The following PCDH19 variants were observed in gnomAD, a reference collection of about 807,000 sequenced individuals.
The protein encoded by PCDH19 is protocadherin-19.
Under a neutral mutation model 46.2 loss-of-function variants are expected in PCDH19, and 6 were observed. The ratio of observed to expected loss-of-function variants is 0.13; its 90% CI spans 0.07 to 0.26. The LOEUF (loss-of-function observed/expected upper bound fraction) is 0.26, where lower values mean the gene tolerates loss of function less well. PCDH19 is among the 10% of genes least tolerant of loss of function. The probability of loss-of-function intolerance (pLI) is 1.00; values close to 1 mark genes in which losing one functional copy is unlikely to be tolerated. For synonymous variants in PCDH19, 481 were observed against 415.7 expected (o/e 1.16, Z -1.91); for missense variants, 740 against 972.3 (o/e 0.76, Z 3.18).
intron 5 of PCDH19, among the ~76,000 whole-genome samples, chrX:100,302,919 A>G (rs1289243927): frequency 1.8e-5 from 2 of 111,844 alleles, no homozygotes; most frequent in African/African-American, 6.5e-5. Context: ...TCAACGCCCC[A>G]GATACTGTCC....
chrX:100,349,646 G>C (rs1352232047), intron 4 of PCDH19, among the ~76,000 whole-genome samples: 2 of 112,261 alleles, frequency 1.8e-5, no homozygotes, highest in Non-Finnish European at 3.8e-5. Flanking sequence ...CTCTGCTACA[G>C]CTCTAACATA....
chrX:100,403,566 T>G lies in PCDH19; in HGVS notation c.2246A>C (p.Gln749Pro). The G allele has an allele frequency of 8.3e-7, 1 of 1,210,401 alleles. No individual in the cohort carries two copies. Among genetic ancestry groups the G allele is most frequent in the Non-Finnish European group, 1.1e-6 (1 of 894,944 alleles). ...CACTTTCTCCTCTGTCTTTTTGTCT[T>G]GCTCCTCGCTAATGGGAGAAACCGA... is the stretch of plus-strand genomic sequence containing the variant. ...CISVSPISEE[Q>P]DKKTEEKVSL... The change falls in exon 2 of 6, where the codon CAA becomes CCA. Residue 749 changes from glutamine to proline, a missense_variant. Coordinates refer to ENST00000373034, the MANE Select transcript of PCDH19 (RefSeq NM_001184880.2).
chrX:100,372,596 A>G (rs1274599909), intron 3 of PCDH19, among the ~76,000 whole-genome samples: 1 of 112,922 alleles, frequency 8.9e-6, no homozygotes, highest in Non-Finnish European at 1.9e-5. Context: ...GTCAGCCAGA[A>G]TGCTGGCACT....
rs770836310 is a variant in PCDH19 at position 100,319,078 on chromosome X, T to G, written c.2849-22203A>C. 3.6e-5 allele frequency among the ~76,000 whole-genome samples: 4 copies of G among 111,065 alleles called. No homozygotes were observed. In the South Asian group the frequency reaches 1.5e-3, roughly 42 times the overall value. ...TTGACAAGATGCCTAATATGCTAAG[T>G]ATATGGAATTAAATTGAATGAGGCG... On this transcript the variant is annotated intron_variant, in intron 5 of 5. Coordinates refer to ENST00000373034, the MANE Select transcript of PCDH19 (RefSeq NM_001184880.2).
chrX:100,339,289 G>C (rs996472702), intron 5 of PCDH19, among the ~76,000 whole-genome samples: 2 of 111,777 alleles, frequency 1.8e-5, no homozygotes, highest in African/African-American at 3.3e-5. Flanking sequence ...AGGGGATTGG[G>C]GACTAGTTTT....
intron 3 of PCDH19, among the ~76,000 whole-genome samples, chrX:100,363,615 TTATATATA>T (rs60968315): frequency 8.9e-5 from 8 of 89,574 alleles, no homozygotes; most frequent in African/African-American, 2.9e-4. Flanking sequence ...ATGGGAAGTT[TTATATATA>T]TATATATATA....
intron 3 of PCDH19, among the ~76,000 whole-genome samples, chrX:100,397,003 T>G (rs188681356): frequency 5.4e-5 from 6 of 112,137 alleles, no homozygotes; most frequent in African/African-American, 1.6e-4. Context: ...AGACGCGCAC[T>G]AAAGGGTTTG....
Position 100,340,325 on chromosome X carries a change from C to T in PCDH19, c.2848+1578G>A, listed in dbSNP as rs756463007. ...AGAGAAATGTGACAAAAAAATAAAA[C>T]AGATGTTGTTCTAGCCAGGCATAAA... is the stretch of plus-strand genomic sequence containing the variant. On this transcript the variant is annotated intron_variant, in intron 5 of 5. Coordinates refer to ENST00000373034, the MANE Select transcript of PCDH19 (RefSeq NM_001184880.2). Among the ~76,000 whole-genome samples the T allele has an allele frequency of 5.3e-3, 592 of 112,170 alleles. 3 individuals are homozygous for T. Among genetic ancestry groups the T allele is most frequent in the Middle Eastern group, 0.023 (5 of 216 alleles).
At chrX:100,317,490 T>C (rs1462870270) in intron 5 of PCDH19, among the ~76,000 whole-genome samples, 1 of 110,214 alleles carries the variant, frequency 9.1e-6, no homozygotes, top group Non-Finnish European at 1.9e-5. Context: ...AGCATTCTAC[T>C]AGTAAGTAAG....
chrX:100,393,687 T>C (rs1927935723), intron 3 of PCDH19, among the ~76,000 whole-genome samples: 1 of 111,163 alleles, frequency 9.0e-6, no homozygotes. Flanking sequence ...GCGAAAATAA[T>C]CCAGAAGGCA....
At chrX:100,301,245 G>C (rs1276960023) in intron 5 of PCDH19, among the ~76,000 whole-genome samples, 1 of 111,698 alleles carries the variant, frequency 9.0e-6, no homozygotes, top group Non-Finnish European at 1.9e-5. Flanking sequence ...TGGTGGAATA[G>C]AAGAGCTAAG....
chrX:100,352,055 C>G (rs941992846), intron 3 of PCDH19, among the ~76,000 whole-genome samples: 1 of 112,694 alleles, frequency 8.9e-6, no homozygotes, highest in Non-Finnish European at 1.9e-5. Context: ...TGTGCCCACC[C>G]ATGCCCCTCA....
chrX:100,367,615 T>C (rs1226272213), intron 3 of PCDH19, among the ~76,000 whole-genome samples: 1 of 111,428 alleles, frequency 9.0e-6, no homozygotes. Context: ...AAGGTGCTGG[T>C]TGGTTCCCTG....
chrX:100,343,773 G>A (rs748214327), intron 4 of PCDH19, among the ~76,000 whole-genome samples: 27 of 111,751 alleles, frequency 2.4e-4, no homozygotes, highest in Non-Finnish European at 3.8e-4. Context: ...AGGAAGAATG[G>A]CATGTTTGTG....
At position 100,294,128 on chromosome X, in the gene PCDH19, A is replaced by C. The variant is rs778737226; in HGVS notation, c.*2149T>G. On this transcript the variant is annotated 3_prime_UTR_variant, in exon 6 of 6. Coordinates refer to ENST00000373034, the MANE Select transcript of PCDH19 (RefSeq NM_001184880.2). ...ATAACTTAAAGGGGAAATTTTTAAA[A>C]AATTTTTAATGTGTTAATCAAATAG... 10 of 112,327 alleles carry C rather than the reference A, an allele frequency of 8.9e-5. No individual in the cohort carries two copies. The highest frequency in any genetic ancestry group is 2.9e-4 in the African/African-American group (9 of 30,894). 9.3% of individuals were successfully genotyped at this position (112,327 alleles called of 1,213,427 possible). A position where few individuals can be genotyped will look rare whatever the true frequency, so the allele number is the denominator to read the frequency against.
chrX:100,352,923 G>A (rs184969937), intron 3 of PCDH19, among the ~76,000 whole-genome samples: 2 of 112,281 alleles, frequency 1.8e-5, no homozygotes, highest in Non-Finnish European at 3.8e-5. Flanking sequence ...GTTAAAACCC[G>A]GAATTGATTA....
In PCDH19 at chrX:100,402,528, G is replaced by A; in HGVS notation, c.2612C>T (p.Pro871Leu). ...GAGCCACTTAGCTGCACTCACCTCA[G>A]GCAGAGGCACACCGTTGATAATCAG... ...PDLIINGVPL[P>L]ETENYSFDSN... The change falls in exon 3 of 6, where the codon CCT becomes CTT. Residue 871 changes from proline (P) to leucine (L), a missense_variant. By Grantham distance (98) the Pro-to-Leu change is moderately conservative. This residue lies in a region of PCDH19 where 416 missense variants were observed against 476.8 expected (regional missense o/e 0.87). Transcript: ENST00000373034. 8.3e-7 allele frequency: 1 copy of A among 1,209,812 alleles called. No individual in the cohort carries two copies. Among genetic ancestry groups the A allele is most frequent in the Non-Finnish European group, 1.1e-6 (1 of 893,579 alleles).
At chrX:100,321,781 C>CTTTTTTTT (rs1231191259) in intron 5 of PCDH19, among the ~76,000 whole-genome samples, 2 of 43,596 alleles carry the variant, frequency 4.6e-5, no homozygotes, top group African/African-American at 9.1e-5. Flanking sequence ...CCCACCTATT[C>CTTTTTTTT]TTTTTTTTTT....
At chrX:100,325,215 T>C (rs1200695480) in intron 5 of PCDH19, among the ~76,000 whole-genome samples, 2 of 109,706 alleles carry the variant, frequency 1.8e-5, no homozygotes, top group Non-Finnish European at 3.8e-5. Flanking sequence ...TAATGCAACA[T>C]TGCTCATCAT....
Sources: gnomAD v4.1 joint callset for allele counts (sites outside exome capture counted in the v4.1 genomes callset) on GRCh38, gnomAD v4.1.1 for gene constraint, gnomAD v4.1.1 regional missense constraint, MANE v1.5 for transcripts, NCBI Gene and HGNC (gene_info 2026-07-23, HGNC 2026-07-21) for gene names.